Variants in MMP27 observed in about 807,000 individuals in gnomAD.
MMP27 encodes the protein matrix metallopeptidase 27.
MMP27 carries 51 observed loss-of-function variants against 48.1 expected under a neutral mutation model. That is an observed-to-expected ratio of 1.06 (90% confidence interval 0.85 to 1.34). MMP27 has a LOEUF of 1.34. MMP27 is among the 40% of genes most tolerant of loss of function. The pLI, the probability that MMP27 is intolerant of heterozygous loss-of-function variation, is 0.00. For missense variants in MMP27, 698 were observed against 619.3 expected (o/e 1.13, Z -1.35); for synonymous variants, 229 against 208.9 (o/e 1.10, Z -0.83).
intron 7 of MMP27, among the ~76,000 whole-genome samples, chr11:102,694,278 C>G (rs1353283550): frequency 6.6e-6 from 1 of 152,098 alleles, no homozygotes; most frequent in African/African-American, 2.4e-5. Context: ...AGTATGCGTA[C>G]CTTTGTCAAT....
Position 102,701,988 on chromosome 11 carries a change from G to T in MMP27, c.619+765C>A, listed in dbSNP as rs11225383. ...AGACACCAGACCCAAGGTAACTATTGCCAATGACAGAACAAAAGAATGGGG... is the reference window on the plus strand; with the variant it reads ...AGACACCAGACCCAAGGTAACTATTTCCAATGACAGAACAAAAGAATGGGG... On this transcript the variant is annotated intron_variant, in intron 4 of 9. Transcript: ENST00000260229. 8.0e-3 allele frequency among the ~76,000 whole-genome samples: 1,225 copies of T among 152,222 alleles called. 28 individuals are homozygous for T. Among genetic ancestry groups the T allele is most frequent in the African/African-American group, 0.028 (1,171 of 41,530 alleles).
At chr11:102,703,528 C>CTT (rs35092309) in intron 2 of MMP27, among the ~76,000 whole-genome samples, 6 of 148,634 alleles carry the variant, frequency 4.0e-5, no homozygotes, top group Non-Finnish European at 6.0e-5. Flanking sequence ...ATATTAAGAA[C>CTT]TTTTTTTTTT....
intron 8 of MMP27, 52 bp downstream of exon 8, chr11:102,693,854 G>T (rs1191233588): frequency 6.3e-6 from 9 of 1,428,358 alleles, no homozygotes; most frequent in Non-Finnish European, 6.6e-6. Context: ...TGATGCTATT[G>T]TGAATATTTT....
Position 102,702,644 on chromosome 11 carries a change from G to T in MMP27, c.619+109C>A, listed in dbSNP as rs553388781. ...AGGTCATCTTGGAATATGGAAAATT[G>T]TGGGGACATTGGGAACTTTACAGTT... On this transcript the variant is annotated intron_variant, in intron 4 of 9. Transcript: ENST00000260229. 3.9e-5 allele frequency: 50 copies of T among 1,270,486 alleles called. No individual in the cohort carries two copies. In the South Asian group the frequency reaches 7.1e-4, roughly 18 times the overall value. The allele number at this position is 1,270,486 out of a possible 1,614,324, so 78.7% of individuals were successfully genotyped here.
intron 4 of MMP27, among the ~76,000 whole-genome samples, chr11:102,698,490 C>T (rs141515281): frequency 2.6e-5 from 4 of 151,966 alleles, no homozygotes; most frequent in African/African-American, 9.7e-5. Flanking sequence ...AAAAAAGAAG[C>T]CACCAGTTTG....
At chr11:102,701,440 T>C (rs550740323) in intron 4 of MMP27, among the ~76,000 whole-genome samples, 2 of 152,328 alleles carry the variant, frequency 1.3e-5, no homozygotes, top group South Asian at 2.1e-4. Flanking sequence ...GCTATGAAAG[T>C]AAAGCCTGGC....
intron 7 of MMP27, 125 bp downstream of exon 7, chr11:102,694,842 C>A: frequency 9.5e-7 from 1 of 1,050,812 alleles, no homozygotes; most frequent in Admixed American, 2.8e-5. Flanking sequence ...CGACAGGAAC[C>A]TAAGATGAGA....
At position 102,693,929 on chromosome 11, in the gene MMP27, G is replaced by C. The variant is rs148262857; in HGVS notation, c.1170C>G (p.Phe390Leu). 219 of 1,602,570 alleles carry C rather than the reference G, an allele frequency of 1.4e-4. No individual in the cohort carries two copies. Among genetic ancestry groups the C allele is most frequent in the Non-Finnish European group, 1.8e-4 (210 of 1,175,528 alleles). Residue 390 changes from phenylalanine to leucine, a missense_variant, in exon 8 of 10, where the codon TTC becomes TTG. Phe to Leu is a conservative substitution (Grantham distance 22). Coordinates refer to ENST00000260229, the MANE Select transcript of MMP27 (RefSeq NM_022122.3). Reference sequence around the variant, plus strand: ...ACCTCCAGCACCAAATGCCCACAAAGAAGTAGGTTTTTCTTGTGGTCTTAT... The same window carrying C: ...ACCTCCAGCACCAAATGCCCACAAACAAGTAGGTTTTTCTTGTGGTCTTAT... ...VCDKTTRKTY[F>L]FVGIWCWRFD...
chr11:102,698,189 A>T (rs1433127509), intron 4 of MMP27, among the ~76,000 whole-genome samples: 1 of 152,184 alleles, frequency 6.6e-6, no homozygotes, highest in East Asian at 1.9e-4. Flanking sequence ...TACTTCACAC[A>T]ATTGTATGTG....
At chr11:102,699,105 G>C (rs1265080280) in intron 4 of MMP27, among the ~76,000 whole-genome samples, 1 of 152,108 alleles carries the variant, frequency 6.6e-6, no homozygotes, top group Non-Finnish European at 1.5e-5. Flanking sequence ...AGTCTTACCA[G>C]GCATGTTAGA....
intron 4 of MMP27, among the ~76,000 whole-genome samples, chr11:102,699,423 G>T (rs576527993): frequency 6.6e-6 from 1 of 152,024 alleles, no homozygotes; most frequent in Admixed American, 6.6e-5. Context: ...AGCCGAGATC[G>T]CACCACTGCA....
chr11:102,704,895 A>AG (rs1432213865), intron 1 of MMP27, 120 bp from the exon 2 acceptor site: 9 of 624,232 alleles, frequency 1.4e-5, no homozygotes, highest in Admixed American at 3.0e-5. Context: ...GGGAAAAAAA[A>AG]GAAGTAATGA....
chr11:102,703,555 C>T (rs1463392019), intron 2 of MMP27, among the ~76,000 whole-genome samples: 1 of 151,900 alleles, frequency 6.6e-6, no homozygotes, highest in African/African-American at 2.4e-5. Context: ...CAGAGTCTCG[C>T]TCTGTCCCCC....
intron 8 of MMP27, 63 bp downstream of exon 8, chr11:102,693,843 G>T: frequency 7.5e-7 from 1 of 1,338,612 alleles, no homozygotes. Context: ...CTGTGTCAAA[G>T]TGATGCTATT....
intron 4 of MMP27, among the ~76,000 whole-genome samples, chr11:102,699,634 G>C (rs1389436541): frequency 1.3e-5 from 2 of 152,190 alleles, no homozygotes; most frequent in Admixed American, 1.3e-4. Context: ...CATGGTCTTT[G>C]ACACTTTTCT....
At chr11:102,693,147 C>A in intron 8 of MMP27, 106 bp from the exon 9 acceptor site, 2 of 720,408 alleles carry the variant, frequency 2.8e-6, no homozygotes, top group South Asian at 3.5e-5. Context: ...AATACATAGG[C>A]ATAGTAGAGG....
rs1276940591 is a variant in MMP27, at chr11:102,696,251, T to C, written c.902+120A>G. ...AAAGCATTCAAACAGTATAGGCAGT[T>C]ATAAAATGAAGATAAAAGGCACACA... is the stretch of plus-strand genomic sequence containing the variant. On this transcript the variant is annotated intron_variant, in intron 6 of 9. Transcript: ENST00000260229. 4.1e-6 allele frequency: 4 copies of C among 970,622 alleles called. No homozygotes were observed. The African/African-American group carries it at 6.6e-5, about 16-fold the overall frequency. The allele number at this position is 970,622 out of a possible 1,614,324, so 60.1% of individuals were successfully genotyped here.
chr11:102,696,633 C>T (rs1460213224), intron 5 of MMP27, 41 bp downstream of exon 5: 7 of 1,573,944 alleles, frequency 4.4e-6, no homozygotes, highest in Non-Finnish European at 6.0e-6. Context: ...GAAAAGCTTC[C>T]TATTTAGTTC....
intron 2 of MMP27, among the ~76,000 whole-genome samples, chr11:102,704,046 C>T (rs568787801): frequency 6.6e-6 from 1 of 152,124 alleles, no homozygotes; most frequent in African/African-American, 2.4e-5. Context: ...AGTCAGCCTG[C>T]CCCCTTTTCC....
Sources: allele counts gnomAD v4.1 joint callset (sites outside exome capture counted in the v4.1 genomes callset), GRCh38; gene constraint gnomAD v4.1.1; transcripts MANE v1.5; gene names NCBI Gene and HGNC (gene_info 2026-07-23, HGNC 2026-07-21).